Variants in TMPRSS11B observed in about 807,000 individuals in gnomAD.
TMPRSS11B encodes the protein transmembrane protease serine 11B.
In TMPRSS11B, 53 loss-of-function variants were observed where a neutral mutation model predicts 44.7. The observed-to-expected ratio is 1.19, with a 90% CI of 0.95 to 1.49. TMPRSS11B has a LOEUF of 1.49. TMPRSS11B is among the 40% of genes most tolerant of loss of function. The pLI is 0.00. For missense variants in TMPRSS11B, 526 were observed against 494.8 expected, an observed-to-expected ratio of 1.06 and a Z score of -0.60; for synonymous variants, 140 against 159.2, an observed-to-expected ratio of 0.88 and a Z score of 0.91.
chr4:68,239,299 C>T (rs28579514), intron 2 of TMPRSS11B, among the ~76,000 whole-genome samples: 2,647 of 152,278 alleles, frequency 0.017, 70 homozygotes, highest in African/African-American at 0.06. Context: ...CTATCTCTCT[C>T]GCTCTCTCTC....
At chr4:68,229,771 A>T (rs1577975019) in intron 7 of TMPRSS11B, 1 of 329,840 alleles carries the variant, frequency 3.0e-6, no homozygotes, top group African/African-American at 2.1e-5. Flanking sequence ...TCCCCTGCTT[A>T]TTCAGTTCCA....
Position 68,234,546 on chromosome 4 carries a change from G to A in TMPRSS11B, c.386C>T (p.Thr129Ile). The change falls in exon 5 of 10, where the codon ACT (threonine) becomes ATT (isoleucine). Residue 129 changes from threonine (T) to isoleucine (I), a missense_variant. Transcript: ENST00000332644. ...FPPAEGVSMRTKIKAKLHQML... is the reference protein window; with the variant it reads ...FPPAEGVSMRIKIKAKLHQML... ...CTGATGTAATTTAGCCTTGATTTTA[G>A]TCCTCATGCTAACTCCTTCTGCTGG... The A allele has an allele frequency of 3.7e-6, 6 of 1,613,930 alleles. No individual in the cohort carries two copies. Among genetic ancestry groups the A allele is most frequent in the Admixed American group, 1.7e-5 (1 of 59,994 alleles).
chr4:68,228,900 G>C lies in TMPRSS11B; in HGVS notation c.947-16C>G, dbSNP rs373313630. On this transcript the variant is annotated splice_polypyrimidine_tract_variant and intron_variant, in intron 8 of 9. Transcript: ENST00000332644. ...GGAAATGAACCTAAAAGCAATAAGT[G>C]CTGCATATTATGCAGATCTTAGACT... The C allele has an allele frequency of 5.5e-5, 88 of 1,609,070 alleles. No homozygotes were observed. In the African/African-American group the frequency reaches 1.1e-3, roughly 21 times the overall value.
chr4:68,234,701 T>C lies in TMPRSS11B; in HGVS notation c.309-78A>G, dbSNP rs1016405425. The C allele has an allele frequency of 7.7e-6, 11 of 1,420,638 alleles. No homozygotes were observed. In the African/African-American group the frequency reaches 1.0e-4, roughly 13 times the overall value. The allele number at this position is 1,420,638 out of a possible 1,614,324, so 88.0% of individuals were successfully genotyped here. ...TTGTGAACACATTAAATTTCACACA[T>C]TTTAATTATCACATTTTCTTTACAT... On this transcript the variant is annotated intron_variant, in intron 4 of 9. Coordinates refer to ENST00000332644, the MANE Select transcript of TMPRSS11B (RefSeq NM_182502.3).
intron 5 of TMPRSS11B, 44 bp downstream of exon 5, chr4:68,234,419 G>GA (rs35624784): frequency 0.22 from 347,866 of 1,563,578 alleles, 42,568 homozygotes; most frequent in Admixed American, 0.39. Context: ...AAATAATCCA[G>GA]AAAAAACCTA....
chr4:68,230,230 A>G (rs567708842), intron 7 of TMPRSS11B, among the ~76,000 whole-genome samples: 1 of 152,188 alleles, frequency 6.6e-6, no homozygotes, highest in South Asian at 2.1e-4. Context: ...ATACAAGTGC[A>G]TATGGCTTTT....
intron 2 of TMPRSS11B, among the ~76,000 whole-genome samples, chr4:68,236,915 CATTATTATTATTATT>C (rs10582916): frequency 2.0e-4 from 28 of 143,088 alleles, no homozygotes; most frequent in South Asian, 1.1e-3. Flanking sequence ...ACCATGGTGC[CATTATTATTATTATT>C]ATTATTATTA....
At position 68,242,235 on chromosome 4, in the gene TMPRSS11B, T is replaced by TA. The variant is rs1560445384; in HGVS notation, c.9-432dup. ...ATATATAATATTATATTATATTATA[T>TA]ATATTATATTATATATATTATAATA... On this transcript the variant is annotated intron_variant, in intron 1 of 9. Transcript: ENST00000332644. 1.3e-3 allele frequency among the ~76,000 whole-genome samples: 111 copies of TA among 82,588 alleles called. 2 individuals carry two copies. The highest frequency in any genetic ancestry group is 5.9e-3 in the African/African-American group (104 of 17,634). 54.2% of individuals were successfully genotyped at this position (82,588 alleles called of 152,430 possible).
intron 2 of TMPRSS11B, among the ~76,000 whole-genome samples, chr4:68,241,475 T>C (rs1183256250): frequency 2.0e-5 from 3 of 152,152 alleles, no homozygotes; most frequent in Non-Finnish European, 2.9e-5. Context: ...CATTTCAGTC[T>C]TGCTCATACC....
In TMPRSS11B at chr4:68,227,474, A is replaced by G. The variant is rs1470014531; in HGVS notation, c.*437T>C. The G allele has an allele frequency of 6.9e-6, 1 of 144,966 alleles. No individual in the cohort carries two copies. Among genetic ancestry groups the G allele is most frequent in the Non-Finnish European group, 1.5e-5 (1 of 67,468 alleles). The allele number at this position is 144,966 out of a possible 1,614,324, so 9.0% of individuals were successfully genotyped here. On this transcript the variant is annotated 3_prime_UTR_variant, in exon 10 of 10. Coordinates refer to ENST00000332644, the MANE Select transcript of TMPRSS11B (RefSeq NM_182502.3). ...CAGGCTGGAGTGCAGTGGTGGCGCA[A>G]TCACAAATCACCACAGCCTCAACCT...
intron 2 of TMPRSS11B, among the ~76,000 whole-genome samples, chr4:68,241,007 C>G (rs1204282769): frequency 6.6e-6 from 1 of 152,032 alleles, no homozygotes; most frequent in Non-Finnish European, 1.5e-5. Flanking sequence ...CTTTTCTGAG[C>G]CCCAGTGTAC....
chr4:68,234,045 G>T (rs570333387), intron 5 of TMPRSS11B, among the ~76,000 whole-genome samples: 1 of 151,996 alleles, frequency 6.6e-6, no homozygotes, highest in South Asian at 2.1e-4. Context: ...GGTGGCGGAT[G>T]CTTGTAGTCC....
rs756417650 is a variant in TMPRSS11B, at chr4:68,228,803, C to T, written c.1028G>A (p.Gly343Asp). The T allele has an allele frequency of 1.9e-6, 3 of 1,613,534 alleles. No individual in the cohort carries two copies. The East Asian group carries it at 6.7e-5, about 36-fold the overall frequency. ...ACATAACATTGTATCAGTCACAAAG[C>T]CAGAGTATGCATATGAGGCATTGCA... ...KICNASYAYS[G>D]FVTDTMLCAG... is the part of the protein sequence containing the mutation. Residue 343 changes from glycine to aspartate, a missense_variant, in exon 9 of 10, where the codon GGC (glycine) becomes GAC (aspartate). By Grantham distance (94) the Gly-to-Asp change is moderately conservative. Transcript: ENST00000332644.
At chr4:68,237,321 C>A (rs1719699517) in intron 2 of TMPRSS11B, among the ~76,000 whole-genome samples, 2 of 152,104 alleles carry the variant, frequency 1.3e-5, no homozygotes, top group African/African-American at 4.8e-5. Context: ...GCCATATTTT[C>A]TTTACCCAGT....
intron 5 of TMPRSS11B, among the ~76,000 whole-genome samples, chr4:68,233,353 G>GT (rs1459827881): frequency 2.0e-5 from 3 of 152,172 alleles, no homozygotes; most frequent in Admixed American, 6.5e-5. Context: ...AGGATTAATT[G>GT]TCTGGCTGGA....
Position 68,227,830 on chromosome 4 carries a change from A to T in TMPRSS11B, c.*81T>A, listed in dbSNP as rs1225553887. 1.8e-6 allele frequency: 2 copies of T among 1,090,674 alleles called. No homozygotes were observed. The highest frequency in any genetic ancestry group is 2.4e-6 in the Non-Finnish European group (2 of 821,188). 67.6% of individuals were successfully genotyped at this position (1,090,674 alleles called of 1,614,324 possible). ...TAATAAAATGATTAGTTTACCAACAATCAAAATAAAAAGATCCCAAAGCCA... is the reference window on the plus strand; with the variant it reads ...TAATAAAATGATTAGTTTACCAACATTCAAAATAAAAAGATCCCAAAGCCA... On this transcript the variant is annotated 3_prime_UTR_variant, in exon 10 of 10. Coordinates refer to ENST00000332644, the MANE Select transcript of TMPRSS11B (RefSeq NM_182502.3).
intron 7 of TMPRSS11B, 31 bp downstream of exon 7, chr4:68,231,172 A>G (rs1719502430): frequency 6.3e-7 from 1 of 1,581,110 alleles, no homozygotes; most frequent in African/African-American, 1.3e-5. Context: ...TGCACCTAGC[A>G]TCCTTCATTT....
chr4:68,244,033 C>T (rs1206901225), intron 1 of TMPRSS11B, among the ~76,000 whole-genome samples: 2 of 152,084 alleles, frequency 1.3e-5, no homozygotes, highest in African/African-American at 4.8e-5. Context: ...ATTAACTCAA[C>T]CCTTCCTCTA....
intron 2 of TMPRSS11B, among the ~76,000 whole-genome samples, chr4:68,240,426 TAG>T (rs775290795): frequency 1.3e-5 from 2 of 152,150 alleles, no homozygotes; most frequent in Non-Finnish European, 2.9e-5. Context: ...GTTGACCATG[TAG>T]AGTCATTGAA....
Sources: gnomAD v4.1 joint callset for allele counts (sites outside exome capture counted in the v4.1 genomes callset) on GRCh38, gnomAD v4.1.1 for gene constraint, MANE v1.5 for transcripts, NCBI Gene and HGNC (gene_info 2026-07-23, HGNC 2026-07-21) for gene names.